PHACTR1: variants seen among roughly 807,000 people sequenced by gnomAD.
The protein encoded by PHACTR1 is RPEL repeat containing 1.
PHACTR1 carries 16 observed loss-of-function variants against 69.2 expected under a neutral mutation model. The observed-to-expected ratio is 0.23, with a 90% CI of 0.16 to 0.35. The LOEUF is 0.35. Ranked by LOEUF, PHACTR1 falls within the 10% of genes least tolerant of loss-of-function variation. The pLI, the probability that PHACTR1 is intolerant of heterozygous loss-of-function variation, is 1.00. For missense variants in PHACTR1, 510 were observed against 734.7 expected, an observed-to-expected ratio of 0.69 and a Z score of 3.54; for synonymous variants, 312 against 284.5, an observed-to-expected ratio of 1.10 and a Z score of -0.97.
intron 7 of PHACTR1, chr6:13,196,465 C>CT (rs1561977277): frequency 3.8e-5 from 6 of 159,810 alleles, no homozygotes; most frequent in African/African-American, 1.7e-4. Context: ...CTGTTGCCCA[C>CT]GGTGGAGCGC....
At chr6:12,836,403 A>G (rs1778169338) in intron 4 of PHACTR1, among the ~76,000 whole-genome samples, 2 of 152,150 alleles carry the variant, frequency 1.3e-5, no homozygotes, top group South Asian at 4.1e-4. Context: ...AAAACCTTGG[A>G]TTCTTTTGAG....
At chr6:12,888,341 A>T (rs1783848238) in intron 4 of PHACTR1, among the ~76,000 whole-genome samples, 1 of 152,082 alleles carries the variant, frequency 6.6e-6, no homozygotes, top group African/African-American at 2.4e-5. Flanking sequence ...GGGTGCCTTG[A>T]TTTTGGACTT....
intron 4 of PHACTR1, among the ~76,000 whole-genome samples, chr6:12,779,947 C>A (rs1342568724): frequency 6.6e-6 from 1 of 152,080 alleles, no homozygotes; most frequent in Admixed American, 6.5e-5. Context: ...GCTTTAAATG[C>A]TATTTGGAGG....
intron 5 of PHACTR1, among the ~76,000 whole-genome samples, chr6:13,155,554 G>A (rs181042229): frequency 9.0e-4 from 137 of 152,276 alleles, no homozygotes; most frequent in African/African-American, 3.1e-3. Context: ...AAAACCAGAA[G>A]AGAGGTGTCA....
At position 13,153,424 on chromosome 6, in the gene PHACTR1, T is replaced by C. The variant is rs1174342394; in HGVS notation, c.416-6780T>C. On this transcript the variant is annotated intron_variant, in intron 5 of 14. Transcript: ENST00000332995. The stretch of plus-strand genomic sequence containing the variant: ...AGTCATATTTCAGGCAAGTGAGATA[T>C]GCGAAATCTCTTTTTTTACATGTCT... Among the ~76,000 whole-genome samples, 5 of 152,234 alleles carry C rather than the reference T, an allele frequency of 3.3e-5. No individual in the cohort carries two copies. The East Asian group carries it at 5.8e-4, about 18-fold the overall frequency.
intron 4 of PHACTR1, among the ~76,000 whole-genome samples, chr6:13,022,684 T>C (rs962615766): frequency 6.6e-6 from 1 of 151,714 alleles, no homozygotes; most frequent in Non-Finnish European, 1.5e-5. Context: ...AAAAAAAACT[T>C]TGCCAACTCC....
At chr6:12,993,588 G>A (rs533779824) in intron 4 of PHACTR1, among the ~76,000 whole-genome samples, 4 of 152,150 alleles carry the variant, frequency 2.6e-5, no homozygotes, top group Non-Finnish European at 4.4e-5. Flanking sequence ...AAGCCTCCTC[G>A]AAGTCCTGCC....
chr6:12,972,889 G>A (rs538662713), intron 4 of PHACTR1, among the ~76,000 whole-genome samples: 2 of 152,194 alleles, frequency 1.3e-5, no homozygotes, highest in East Asian at 1.9e-4. Flanking sequence ...GACCTTAGGC[G>A]ATCCACCTGC....
At position 12,753,957 on chromosome 6, in the gene PHACTR1, TA is replaced by T. The variant is rs1561851108; in HGVS notation, c.250+4168del. On this transcript the variant is annotated intron_variant, in intron 4 of 14. Transcript: ENST00000332995. ...GGCAAGTTGTAAATATATATATATATATATATATATATATTTTTTTTTTGAG... is the reference window on the plus strand; with the variant it reads ...GGCAAGTTGTAAATATATATATATATTATATATATATATTTTTTTTTTGAG... 7.3e-4 allele frequency among the ~76,000 whole-genome samples: 75 copies of T among 103,016 alleles called. 1 individual carries two copies. Among genetic ancestry groups the T allele is most frequent in the South Asian group, 2.7e-3 (10 of 3,724 alleles). The allele number at this position is 103,016 out of a possible 152,430, so 67.6% of individuals were successfully genotyped here.
At chr6:13,056,324 C>T (rs989309520) in intron 5 of PHACTR1, among the ~76,000 whole-genome samples, 2 of 152,160 alleles carry the variant, frequency 1.3e-5, no homozygotes, top group African/African-American at 4.8e-5. Context: ...TGCTTGAACC[C>T]AGGAGTTTAA....
intron 5 of PHACTR1, among the ~76,000 whole-genome samples, chr6:13,145,847 G>C (rs571615239): frequency 6.6e-6 from 1 of 152,134 alleles, no homozygotes; most frequent in African/African-American, 2.4e-5. Flanking sequence ...TGTTTAAGCC[G>C]GTCTATAGTG....
At chr6:13,134,399 C>G (rs1036860531) in intron 5 of PHACTR1, among the ~76,000 whole-genome samples, 4 of 152,150 alleles carry the variant, frequency 2.6e-5, no homozygotes, top group Non-Finnish European at 4.4e-5. Context: ...GTTGCTGTGT[C>G]TGTGTAGAAA....
intron 4 of PHACTR1, among the ~76,000 whole-genome samples, chr6:12,771,895 G>C (rs1769437778): frequency 6.6e-6 from 1 of 152,110 alleles, no homozygotes; most frequent in South Asian, 2.1e-4. Flanking sequence ...TGGGGAAATG[G>C]AAGAAACAGC....
intron 5 of PHACTR1, among the ~76,000 whole-genome samples, chr6:13,121,889 T>C (rs1818795504): frequency 6.6e-6 from 1 of 152,230 alleles, no homozygotes; most frequent in Admixed American, 6.5e-5. Flanking sequence ...AGGGACTTAC[T>C]GAGTTCAGAA....
intron 5 of PHACTR1, among the ~76,000 whole-genome samples, chr6:13,068,208 T>G (rs1808959379): frequency 6.6e-6 from 1 of 152,090 alleles, no homozygotes; most frequent in African/African-American, 2.4e-5. Flanking sequence ...TCCCACCTAC[T>G]CCGGAGGCTG....
intron 4 of PHACTR1, among the ~76,000 whole-genome samples, chr6:12,887,120 A>G (rs954669967): frequency 1.3e-5 from 2 of 152,012 alleles, no homozygotes; most frequent in Non-Finnish European, 2.9e-5. Context: ...TCAGTTGGCC[A>G]GCACCAAGGG....
intron 4 of PHACTR1, among the ~76,000 whole-genome samples, chr6:13,024,041 C>T (rs998505456): frequency 1.3e-5 from 2 of 151,254 alleles, no homozygotes; most frequent in Admixed American, 1.3e-4. Context: ...CGAGCCACTG[C>T]ACTCCAGCCT....
rs569845617 is a variant in PHACTR1 at position 13,147,995 on chromosome 6, T to G, written c.416-12209T>G. On this transcript the variant is annotated intron_variant, in intron 5 of 14. Transcript: ENST00000332995. ...CAGAGGTAGCCACTGTCCTGATATTTTATTGTAATCATAGCCTTCCTTTGC... is the reference window on the plus strand; with the variant it reads ...CAGAGGTAGCCACTGTCCTGATATTGTATTGTAATCATAGCCTTCCTTTGC... Among the ~76,000 whole-genome samples the G allele has an allele frequency of 1.4e-3, 219 of 152,312 alleles. 3 individuals carry two copies. The highest frequency in any genetic ancestry group is 0.012 in the South Asian group (58 of 4,830).
intron 5 of PHACTR1, among the ~76,000 whole-genome samples, chr6:13,080,240 T>A (rs989407438): frequency 9.2e-5 from 14 of 152,122 alleles, no homozygotes; most frequent in African/African-American, 2.7e-4. Flanking sequence ...TGAATGCATT[T>A]CTTTAGGAGC....
Sources: allele counts gnomAD v4.1 joint callset (sites outside exome capture counted in the v4.1 genomes callset), GRCh38; gene constraint gnomAD v4.1.1; transcripts MANE v1.5; gene names NCBI Gene and HGNC (gene_info 2026-07-23, HGNC 2026-07-21).